Variants in NSMCE2 observed in about 807,000 individuals in gnomAD.
The protein encoded by NSMCE2 is NSE2 SUMO ligase component of SMC5/6 complex.
In NSMCE2, 24 loss-of-function variants were observed where a neutral mutation model predicts 23.8. That is an observed-to-expected ratio of 1.01 (90% CI 0.73 to 1.42). The LOEUF is 1.42. NSMCE2 is among the 40% of genes most tolerant of loss of function. The probability of loss-of-function intolerance (pLI) is 0.00; values close to 1 mark genes in which losing one functional copy is unlikely to be tolerated. For synonymous variants in NSMCE2, 92 were observed against 94.1 expected (o/e 0.98, Z 0.13); for missense variants, 284 against 296.5 (o/e 0.96, Z 0.31).
At chr8:125,201,302 T>G (rs113514482) in intron 5 of NSMCE2, among the ~76,000 whole-genome samples, 21,201 of 152,212 alleles carry the variant, frequency 0.14, 2,441 homozygotes, top group African/African-American at 0.32. Flanking sequence ...CCCCATCTTT[T>G]TGGTTTTATC....
intron 5 of NSMCE2, among the ~76,000 whole-genome samples, chr8:125,306,093 T>C (rs1190700609): frequency 1.3e-5 from 2 of 152,148 alleles, no homozygotes; most frequent in East Asian, 3.8e-4. Context: ...TTTGGGAGGC[T>C]GAGATGGGAG....
intron 5 of NSMCE2, chr8:125,182,481 A>G (rs1046712229): frequency 1.8e-6 from 1 of 557,592 alleles, no homozygotes; most frequent in Admixed American, 3.8e-5. Context: ...TGCTCAGAAA[A>G]TTTCCCAGCA....
chr8:125,134,517 A>G (rs530142663), intron 3 of NSMCE2, among the ~76,000 whole-genome samples: 11 of 152,310 alleles, frequency 7.2e-5, no homozygotes, highest in African/African-American at 2.6e-4. Flanking sequence ...TCTAATGATC[A>G]TTAAAATTGA....
chr8:125,108,443 G>A (rs1052424982), intron 3 of NSMCE2, among the ~76,000 whole-genome samples: 9 of 152,218 alleles, frequency 5.9e-5, no homozygotes, highest in Non-Finnish European at 8.8e-5. Context: ...CAGCACTTAA[G>A]TGCACGCTTG....
intron 5 of NSMCE2, among the ~76,000 whole-genome samples, chr8:125,331,299 C>CA (rs1829867620): frequency 6.6e-6 from 1 of 151,898 alleles, no homozygotes; most frequent in Non-Finnish European, 1.5e-5. Flanking sequence ...GACTCCGTCT[C>CA]AAAAAATAAA....
intron 5 of NSMCE2, among the ~76,000 whole-genome samples, chr8:125,254,338 G>T (rs897033548): frequency 6.6e-6 from 1 of 152,178 alleles, no homozygotes; most frequent in Admixed American, 6.5e-5. Context: ...CCAAGAAATG[G>T]TGCGTCATCA....
At position 125,121,219 on chromosome 8, in the gene NSMCE2, A is replaced by G. The variant is rs1216941957; in HGVS notation, c.157+18732A>G. ...TGCTCAGTAGATGAAGAAGGGAAAG[A>G]GAATATTTATAAAATTCAGAGTTAC... On this transcript the variant is annotated intron_variant, in intron 3 of 7. Coordinates refer to ENST00000287437, the MANE Select transcript of NSMCE2 (RefSeq NM_173685.4). Among the ~76,000 whole-genome samples the G allele has an allele frequency of 2.0e-5, 3 of 152,344 alleles. No homozygotes were observed. The East Asian group carries it at 5.8e-4, about 29-fold the overall frequency.
intron 5 of NSMCE2, among the ~76,000 whole-genome samples, chr8:125,188,914 G>T (rs888443620): frequency 6.6e-6 from 1 of 152,184 alleles, no homozygotes; most frequent in Non-Finnish European, 1.5e-5. Context: ...ACTAGTGATT[G>T]GAAAGGTATG....
intron 5 of NSMCE2, among the ~76,000 whole-genome samples, chr8:125,244,570 G>A (rs997876379): frequency 6.6e-6 from 1 of 152,044 alleles, no homozygotes; most frequent in Non-Finnish European, 1.5e-5. Context: ...TGATCCAAAG[G>A]TACATCTTTA....
At chr8:125,174,250 T>A (rs1822363181) in intron 4 of NSMCE2, among the ~76,000 whole-genome samples, 1 of 152,184 alleles carries the variant, frequency 6.6e-6, no homozygotes, top group South Asian at 2.1e-4. Context: ...ACCACTTTTG[T>A]CTGTTTGTTA....
intron 3 of NSMCE2, among the ~76,000 whole-genome samples, chr8:125,107,991 A>T (rs1362089815): frequency 6.6e-6 from 1 of 152,104 alleles, no homozygotes; most frequent in Non-Finnish European, 1.5e-5. Context: ...CTGAGATCAC[A>T]CGACTGTACT....
intron 3 of NSMCE2, among the ~76,000 whole-genome samples, chr8:125,104,433 G>T (rs1818355613): frequency 6.6e-6 from 1 of 152,182 alleles, no homozygotes; most frequent in African/African-American, 2.4e-5. Context: ...ATTTAGCCTT[G>T]TTACAAAGCA....
rs181416465 is a variant in NSMCE2, at chr8:125,322,205, A to G, written c.419-35014A>G. Among the ~76,000 whole-genome samples, 265 of 152,136 alleles carry G rather than the reference A, an allele frequency of 1.7e-3. 1 individual carries two copies. Among genetic ancestry groups the G allele is most frequent in the African/African-American group, 5.9e-3 (244 of 41,504 alleles). ...AACATAGCAAGACCGTGTCTCTACAAAGAAATTTTAAAATTAGCCAGGTGT... is the reference window on the plus strand; with the variant it reads ...AACATAGCAAGACCGTGTCTCTACAGAGAAATTTTAAAATTAGCCAGGTGT... On this transcript the variant is annotated intron_variant, in intron 5 of 7. Transcript: ENST00000287437.
chr8:125,284,187 A>T (rs1181129292), intron 5 of NSMCE2, among the ~76,000 whole-genome samples: 1 of 121,982 alleles, frequency 8.2e-6, no homozygotes, highest in African/African-American at 3.0e-5. Context: ...TCAAGTAAAC[A>T]TTTAGAGAGT....
At chr8:125,352,842 T>C (rs1813096152) in intron 5 of NSMCE2, among the ~76,000 whole-genome samples, 1 of 152,228 alleles carries the variant, frequency 6.6e-6, no homozygotes, top group Non-Finnish European at 1.5e-5. Flanking sequence ...ATCCCAACGC[T>C]AATGTCAATT....
At chr8:125,094,120 C>T (rs1817815969) in intron 1 of NSMCE2, among the ~76,000 whole-genome samples, 1 of 151,942 alleles carries the variant, frequency 6.6e-6, no homozygotes, top group African/African-American at 2.4e-5. Flanking sequence ...AAGTCTGGAG[C>T]TGAGATTAAG....
chr8:125,352,965 A>G (rs1045304821), intron 5 of NSMCE2, among the ~76,000 whole-genome samples: 10 of 152,178 alleles, frequency 6.6e-5, no homozygotes, highest in Admixed American at 2.6e-4. Flanking sequence ...CACTCGTGAC[A>G]TTCTTCCCCA....
chr8:125,317,954 T>C (rs1829274113), intron 5 of NSMCE2, among the ~76,000 whole-genome samples: 1 of 152,230 alleles, frequency 6.6e-6, no homozygotes, highest in African/African-American at 2.4e-5. Flanking sequence ...AAGAGGAAAA[T>C]TGTAATTTAT....
At chr8:125,309,011 G>A (rs960943508) in intron 5 of NSMCE2, among the ~76,000 whole-genome samples, 13 of 151,884 alleles carry the variant, frequency 8.6e-5, no homozygotes, top group African/African-American at 2.2e-4. Context: ...TTGGGAGGCC[G>A]AGGCGGGTGG....
Sources: gnomAD v4.1 joint callset for allele counts (sites outside exome capture counted in the v4.1 genomes callset) on GRCh38, gnomAD v4.1.1 for gene constraint, MANE v1.5 for transcripts, NCBI Gene and HGNC (gene_info 2026-07-23, HGNC 2026-07-21) for gene names.